C2orf42: variants seen among roughly 807,000 people sequenced by gnomAD.
The protein encoded by C2orf42 is chromosome 2 open reading frame 42.
Under a neutral mutation model 58.9 loss-of-function variants are expected in C2orf42, and 44 were observed. The ratio of observed to expected loss-of-function variants is 0.75; its 90% confidence interval spans 0.59 to 0.96. The LOEUF (loss-of-function observed/expected upper bound fraction) is 0.96. Among genes scored for constraint, C2orf42 ranks in the 40% least tolerant of loss-of-function variants. The pLI is 0.00. For synonymous variants in C2orf42, 239 were observed against 265.4 expected, an observed-to-expected ratio of 0.90 and a Z score of 0.97; for missense variants, 630 against 699.2, an observed-to-expected ratio of 0.90 and a Z score of 1.12.
intron 1 of C2orf42, chr2:70,190,260 G>A (rs960128837): frequency 6.6e-6 from 1 of 151,938 alleles, no homozygotes; most frequent in African/African-American, 2.4e-5. Flanking sequence ...TCAAGGGACT[G>A]GTGTTGGAAG....
At chr2:70,154,537 G>GA (rs1672534907) in intron 9 of C2orf42, among the ~76,000 whole-genome samples, 1 of 147,426 alleles carries the variant, frequency 6.8e-6, no homozygotes, top group African/African-American at 2.5e-5. Flanking sequence ...GAAGAAAACA[G>GA]AAAGATTAGA....
Position 70,179,552 on chromosome 2 carries a change from CTCT to C in C2orf42, c.911_913del (p.Lys304del), listed in dbSNP as rs1674410631. 1 of 1,505,690 alleles carries C rather than the reference CTCT, an allele frequency of 6.6e-7. No individual in the cohort carries two copies. The highest frequency in any genetic ancestry group is 2.3e-5 in the East Asian group (1 of 44,352). The allele number at this position is 1,505,690 out of a possible 1,614,324, so 93.3% of individuals were successfully genotyped here. On this transcript the variant is annotated inframe_deletion, in exon 4 of 10. Coordinates refer to ENST00000264434, the MANE Select transcript of C2orf42 (RefSeq NM_017880.3). The stretch of plus-strand genomic sequence containing the variant: ...CTTACCAGATACTTCATCCTTTCTC[CTCT>C]TCTTTGACTTAGAGGCAGTAGACTC...
chr2:70,179,589 A>C lies in C2orf42; in HGVS notation c.877T>G (p.Ser293Ala). The part of the protein sequence containing the change: ...QLGCHSESTV[S>A]ACESTASKSK... ...TTAGAGGCAGTAGACTCACAAGCAG[A>C]TACTGTTGATTCTGAATGGCAACCT... The change falls in exon 4 of 10, where the codon TCT (serine) becomes GCT (alanine). Residue 293 changes from serine to alanine, a missense_variant. Ser to Ala is a moderately conservative substitution (Grantham distance 99, BLOSUM62 1). Coordinates refer to ENST00000264434, the MANE Select transcript of C2orf42 (RefSeq NM_017880.3). The C allele has an allele frequency of 1.3e-6, 2 of 1,573,780 alleles. No individual in the cohort carries two copies. The highest frequency in any genetic ancestry group is 1.7e-6 in the Non-Finnish European group (2 of 1,144,124).
At chr2:70,168,007 T>G (rs942882462) in intron 6 of C2orf42, among the ~76,000 whole-genome samples, 4 of 151,454 alleles carry the variant, frequency 2.6e-5, no homozygotes, top group Non-Finnish European at 5.9e-5. Context: ...CCGAGGTAGG[T>G]GGATCACCTG....
rs190172930 is a variant in C2orf42 at position 70,150,639 on chromosome 2, C to T, written c.1517-75G>A. ...TGTTCCTAATTGCAAAAAAAGTGTCCGGAATTGGAGCAGCCTGTTCAGCTT... is the reference window on the plus strand; with the variant it reads ...TGTTCCTAATTGCAAAAAAAGTGTCTGGAATTGGAGCAGCCTGTTCAGCTT... On this transcript the variant is annotated intron_variant, in intron 9 of 9. Transcript: ENST00000264434. 3.0e-5 allele frequency: 32 copies of T among 1,070,516 alleles called. 1 individual carries two copies. In the African/African-American group the frequency reaches 3.6e-4, roughly 12 times the overall value. The allele number at this position is 1,070,516 out of a possible 1,614,324, so 66.3% of individuals were successfully genotyped here.
intron 1 of C2orf42, among the ~76,000 whole-genome samples, chr2:70,185,177 G>A (rs1477151156): frequency 6.6e-6 from 1 of 152,166 alleles, no homozygotes; most frequent in Non-Finnish European, 1.5e-5. Context: ...GAGGCGGGTG[G>A]AACACCTGAG....
At chr2:70,176,646 C>T (rs984126821) in intron 4 of C2orf42, among the ~76,000 whole-genome samples, 1 of 151,992 alleles carries the variant, frequency 6.6e-6, no homozygotes, top group East Asian at 1.9e-4. Flanking sequence ...GAGATGAGGT[C>T]TTGCTATATT....
In C2orf42 at chr2:70,150,424, G is replaced by A. The variant is rs553324989; in HGVS notation, c.1657C>T (p.Gln553Ter). 4.3e-6 allele frequency: 7 copies of A among 1,614,056 alleles called. No homozygotes were observed. The highest frequency in any genetic ancestry group is 5.9e-6 in the Non-Finnish European group (7 of 1,180,044). The change falls in exon 10 of 10, where the codon CAA becomes TAA. Residue 553 changes from glutamine to a stop codon, truncating the protein, a stop_gained. Coordinates refer to ENST00000264434, the MANE Select transcript of C2orf42 (RefSeq NM_017880.3). LOFTEE classifies it high-confidence loss of function. Reference sequence around the variant, plus strand: ...TGGTCCAAGGGGGGCCGCTGGTCTTGGTACTCCGCCACATGCCCATTCCGG... The same window carrying A: ...TGGTCCAAGGGGGGCCGCTGGTCTTAGTACTCCGCCACATGCCCATTCCGG... ...HHRNGHVAEY[Q>*]DQRPPLDQPL...
At chr2:70,160,816 G>C in intron 8 of C2orf42, 29 bp from the exon 9 acceptor site, 1 of 1,513,394 alleles carries the variant, frequency 6.6e-7, no homozygotes, top group Non-Finnish European at 8.8e-7. Context: ...CCAAAAAAAG[G>C]TGAGAGAGAA....
At chr2:70,175,870 CT>C in intron 4 of C2orf42, 93 bp from the exon 5 acceptor site, 5 of 816,290 alleles carry the variant, frequency 6.1e-6, no homozygotes, top group Non-Finnish European at 1.0e-5. Context: ...TATAAACAGT[CT>C]TTGCTAATTT....
chr2:70,156,801 G>A (rs1451436911), intron 9 of C2orf42, among the ~76,000 whole-genome samples: 2 of 151,238 alleles, frequency 1.3e-5, no homozygotes, highest in Non-Finnish European at 2.9e-5. Flanking sequence ...GTTTGAGGCT[G>A]CAGTGAGCCG....
chr2:70,180,435 C>G (rs557890480), intron 3 of C2orf42, among the ~76,000 whole-genome samples: 2 of 151,462 alleles, frequency 1.3e-5, no homozygotes, highest in African/African-American at 4.8e-5. Context: ...TGGAGAAACC[C>G]TGTCTCTACT....
chr2:70,169,648 C>A lies in C2orf42; in HGVS notation c.1053G>T (p.Leu351=), dbSNP rs1209287371. Residue 351 remains leucine, a synonymous_variant, in exon 6 of 10, where the codon CTG becomes CTT. Coordinates refer to ENST00000264434, the MANE Select transcript of C2orf42 (RefSeq NM_017880.3). The part of the protein sequence containing the change: ...SSLKRQACGQ[L]LDEAQVTLSF... ...ATAAAGTCACTTGTGCCTCATCTAA[C>A]AGCTGACCACAGGCTAGGGAAAAAA... 1.3e-6 allele frequency: 2 copies of A among 1,588,802 alleles called. No homozygotes were observed. The highest frequency in any genetic ancestry group is 2.2e-5 in the South Asian group (2 of 90,546).
At chr2:70,177,628 T>A (rs2104950817) in intron 4 of C2orf42, among the ~76,000 whole-genome samples, 1 of 152,292 alleles carries the variant, frequency 6.6e-6, no homozygotes, top group African/African-American at 2.4e-5. Flanking sequence ...TAGGACCATT[T>A]TAAGGATCTT....
chr2:70,152,722 G>A (rs572347263), intron 9 of C2orf42, among the ~76,000 whole-genome samples: 10 of 152,260 alleles, frequency 6.6e-5, no homozygotes, highest in African/African-American at 1.2e-4. Flanking sequence ...GGGACTTGGA[G>A]GAGAGTAGGT....
chr2:70,181,089 C>T (rs144817179), intron 3 of C2orf42, 74 bp downstream of exon 3: 2 of 780,310 alleles, frequency 2.6e-6, no homozygotes, highest in African/African-American at 1.7e-5. Flanking sequence ...AAGACAATCT[C>T]CAAATGCATC....
intron 1 of C2orf42, among the ~76,000 whole-genome samples, chr2:70,184,242 GT>G (rs1674776056): frequency 1.3e-5 from 2 of 151,820 alleles, no homozygotes; most frequent in South Asian, 4.2e-4. Context: ...AAAAAAAATT[GT>G]TTTGAGACAG....
chr2:70,178,263 T>C (rs150910258), intron 4 of C2orf42, among the ~76,000 whole-genome samples: 55 of 152,306 alleles, frequency 3.6e-4, no homozygotes, highest in African/African-American at 1.3e-3. Context: ...CATTTTCATA[T>C]TGATTTATCA....
At chr2:70,165,001 A>T in intron 8 of C2orf42, 91 bp downstream of exon 8, 1 of 575,478 alleles carries the variant, frequency 1.7e-6, no homozygotes, top group South Asian at 3.4e-5. Flanking sequence ...TGGTGTCTGT[A>T]ACTCAAGGAA....
Sources: gnomAD v4.1 joint callset for allele counts (sites outside exome capture counted in the v4.1 genomes callset) on GRCh38, gnomAD v4.1.1 for gene constraint, MANE v1.5 for transcripts, NCBI Gene and HGNC (gene_info 2026-07-23, HGNC 2026-07-21) for gene names.